Variants in CEACAM4 observed in about 807,000 individuals in gnomAD.
The protein encoded by CEACAM4 is cell adhesion molecule CEACAM4.
Under a neutral mutation model 28.7 loss-of-function variants are expected in CEACAM4, and 30 were observed. The ratio of observed to expected loss-of-function variants is 1.05; its 90% CI spans 0.78 to 1.42. CEACAM4 has a LOEUF of 1.42. Among genes scored for constraint, CEACAM4 ranks in the 40% most tolerant of loss-of-function variants. The probability of loss-of-function intolerance (pLI) is 0.00; values close to 1 mark genes in which losing one functional copy is unlikely to be tolerated. For missense variants in CEACAM4, 330 were observed against 308.2 expected (o/e 1.07, Z -0.53); for synonymous variants, 143 against 126.5 (o/e 1.13, Z -0.87).
chr19:41,619,502 C>A, intron 6 of CEACAM4, 107 bp from the exon 7 acceptor site: 1 of 1,572,282 alleles, frequency 6.4e-7, no homozygotes, highest in Non-Finnish European at 8.7e-7. Context: ...CTGAACCTGG[C>A]TGTGCTCAGG....
At chr19:41,620,880 G>A (rs2071240569) in intron 3 of CEACAM4, among the ~76,000 whole-genome samples, 1 of 151,968 alleles carries the variant, frequency 6.6e-6, no homozygotes. Flanking sequence ...CAGGGACCCA[G>A]GAAAGGGACT....
chr19:41,619,750 G>T, intron 5 of CEACAM4, 39 bp from the exon 6 acceptor site: 1 of 1,502,270 alleles, frequency 6.7e-7, no homozygotes, highest in Non-Finnish European at 8.9e-7. Flanking sequence ...GGACAGGGAG[G>T]GAGGGTCACG....
chr19:41,626,090 GTGTGTGTGTGTGT>G (rs2071638901), intron 1 of CEACAM4, 130 bp from the exon 2 acceptor site: 2 of 556,272 alleles, frequency 3.6e-6, no homozygotes, highest in African/African-American at 3.9e-5. Flanking sequence ...GTGTGTGTGT[GTGTGTGTGTGTGT>G]GTGTGTGTGT....
chr19:41,626,604 T>A lies in CEACAM4; in HGVS notation c.64+296A>T, dbSNP rs552757469. ...TTATGTTTTTATTTGAAGTGTCATC[T>A]GGTATAGTTATTATCATTTTTCAAA... On this transcript the variant is annotated intron_variant, in intron 1 of 6. Coordinates refer to ENST00000221954, the MANE Select transcript of CEACAM4 (RefSeq NM_001817.4). Among the ~76,000 whole-genome samples the A allele has an allele frequency of 1.2e-4, 19 of 152,328 alleles. 1 individual carries two copies. The highest frequency in any genetic ancestry group is 7.2e-4 in the Admixed American group (11 of 15,310).
At chr19:41,626,109 T>C (rs1022511940) in intron 1 of CEACAM4, 149 bp from the exon 2 acceptor site, 1 of 559,978 alleles carries the variant, frequency 1.8e-6, no homozygotes, top group African/African-American at 2.0e-5. Context: ...TGTGTGTGTG[T>C]GTGTGTGTGT....
At position 41,626,904 on chromosome 19, in the gene CEACAM4, G is replaced by A; in HGVS notation, c.60C>T (p.Ile20=). The A allele has an allele frequency of 6.2e-7, 1 of 1,610,714 alleles. No individual in the cohort carries two copies. Among genetic ancestry groups the A allele is most frequent in the Non-Finnish European group, 8.5e-7 (1 of 1,178,178 alleles). ...CCCAGAGAGTCCTCCCCTCACCTGT[G>A]ATCAGGAGCCCCTGCCAGGGCCTGT... ...GGHRPWQGLL[I]TASLLTFWHP... is the part of the protein sequence containing the mutation. Residue 20 remains isoleucine, a synonymous_variant, in exon 1 of 7, where the codon ATC becomes ATT. Coordinates refer to ENST00000221954, the MANE Select transcript of CEACAM4 (RefSeq NM_001817.4).
intron 2 of CEACAM4, among the ~76,000 whole-genome samples, chr19:41,624,982 G>A (rs1244883343): frequency 6.6e-6 from 1 of 152,182 alleles, no homozygotes; most frequent in Non-Finnish European, 1.5e-5. Flanking sequence ...CTGCCCAAGG[G>A]CATCTCTTAA....
At chr19:41,623,419 A>ATTTTTTTTTTTTTTTTTTT (rs57004828) in intron 2 of CEACAM4, among the ~76,000 whole-genome samples, 5 of 105,062 alleles carry the variant, frequency 4.8e-5, no homozygotes, top group Admixed American at 1.0e-4. Context: ...TTCGAACTGC[A>ATTTTTTTTTTTTTTTTTTT]TTTTTTTTTT....
At chr19:41,623,586 T>C (rs550140640) in intron 2 of CEACAM4, among the ~76,000 whole-genome samples, 2 of 152,008 alleles carry the variant, frequency 1.3e-5, no homozygotes, top group South Asian at 4.2e-4. Flanking sequence ...GTCTGTGCCC[T>C]GGGCTGTGAA....
In CEACAM4 at chr19:41,627,072, T is replaced by C; in HGVS notation, c.-109A>G. 1.1e-6 allele frequency: 1 copy of C among 929,914 alleles called. No homozygotes were observed. The allele number at this position is 929,914 out of a possible 1,614,324, so 57.6% of individuals were successfully genotyped here. A position where few individuals can be genotyped will look rare whatever the true frequency, so the allele number is the denominator to read the frequency against. On this transcript the variant is annotated 5_prime_UTR_variant, in exon 1 of 7. Coordinates refer to ENST00000221954, the MANE Select transcript of CEACAM4 (RefSeq NM_001817.4). ...TCGGGGCTGCTGACCTTCCTCCTTC[T>C]GTGCTGAGCCTCCTCCCGGGCAGAA...
chr19:41,621,539 G>C lies in CEACAM4; in HGVS notation c.542+112C>G, dbSNP rs533008570. 1.5e-5 allele frequency: 9 copies of C among 616,122 alleles called. No individual in the cohort carries two copies. The East Asian group carries it at 2.5e-4, about 17-fold the overall frequency. The allele number at this position is 616,122 out of a possible 1,614,324, so 38.2% of individuals were successfully genotyped here. A position where few individuals can be genotyped will look rare whatever the true frequency, so the allele number is the denominator to read the frequency against. ...GAGGAGCCATGGAATGAGAGAGAAG[G>C]ATTCCTTGGGAGGATGCGGAAAGCC... is the stretch of plus-strand genomic sequence containing the variant. On this transcript the variant is annotated intron_variant, in intron 3 of 6. Coordinates refer to ENST00000221954, the MANE Select transcript of CEACAM4 (RefSeq NM_001817.4).
chr19:41,621,145 A>G (rs559374498), intron 3 of CEACAM4, among the ~76,000 whole-genome samples: 2 of 152,080 alleles, frequency 1.3e-5, no homozygotes, highest in Non-Finnish European at 2.9e-5. Flanking sequence ...AGAGACATAA[A>G]GGACAGCAGG....
intron 2 of CEACAM4, among the ~76,000 whole-genome samples, chr19:41,625,220 G>A (rs782544982): frequency 2.0e-4 from 30 of 152,156 alleles, no homozygotes; most frequent in Non-Finnish European, 3.7e-4. Flanking sequence ...CAGGCTTCCC[G>A]GGGTCACACG....
At chr19:41,619,734 G>A (rs782269620) in intron 5 of CEACAM4, 23 bp from the exon 6 acceptor site, 21 of 1,547,066 alleles carry the variant, frequency 1.4e-5, no homozygotes, top group Non-Finnish European at 1.7e-5. Context: ...GAGAGGAGAT[G>A]TCAGGGGACA....
chr19:41,619,205 C>G lies in CEACAM4; in HGVS notation c.*125G>C. The stretch of plus-strand genomic sequence containing the variant: ...AGGGACTCCCATCCCTCCCTGTCCC[C>G]AGGCCTGTGTCTCCTCAGGACTCAG... On this transcript the variant is annotated 3_prime_UTR_variant, in exon 7 of 7. Coordinates refer to ENST00000221954, the MANE Select transcript of CEACAM4 (RefSeq NM_001817.4). The G allele has an allele frequency of 1.3e-6, 1 of 797,640 alleles. No individual in the cohort carries two copies. Among genetic ancestry groups the G allele is most frequent in the Non-Finnish European group, 2.2e-6 (1 of 462,172 alleles). The allele number at this position is 797,640 out of a possible 1,614,324, so 49.4% of individuals were successfully genotyped here.
At chr19:41,621,802 C>A in intron 2 of CEACAM4, 34 bp from the exon 3 acceptor site, 1 of 1,289,720 alleles carries the variant, frequency 7.8e-7, no homozygotes, top group Non-Finnish European at 1.1e-6. Flanking sequence ...GGACAAGGCC[C>A]AAGTTTGTTC....
rs147663846 is a variant in CEACAM4, at chr19:41,625,658, G to A, written c.367C>T (p.Arg123Ter). Residue 123 changes from arginine (R) to a stop codon, truncating the protein, a stop_gained, in exon 2 of 7, where the codon CGA becomes TGA. Transcript: ENST00000221954. LOFTEE classifies it high-confidence loss of function. ...TLEDAGSYTL[R>*]TINASYDSDQ... ...GAGTCGTAACTGGCATTTATGGTTC[G>A]TAGGGTGTAGGATCCTGCGTCCTCC... 1.5e-4 allele frequency: 238 copies of A among 1,608,250 alleles called. No homozygotes were observed. In the African/African-American group the frequency reaches 1.6e-3, roughly 11 times the overall value.
At position 41,620,083 on chromosome 19, in the gene CEACAM4, C is replaced by T. The variant is rs565424909; in HGVS notation, c.627+128G>A. 8.9e-4 allele frequency: 777 copies of T among 871,228 alleles called. 8 individuals carry two copies. Among genetic ancestry groups the T allele is most frequent in the Non-Finnish European group, 2.8e-4 (166 of 592,990 alleles). 54.0% of individuals were successfully genotyped at this position (871,228 alleles called of 1,614,324 possible). Reference sequence around the variant, plus strand: ...GAGGCCCGGATCCTGGCCGGAGGCACTCACTTTGACCTGACTGTTCTGGGG... The same window carrying T: ...GAGGCCCGGATCCTGGCCGGAGGCATTCACTTTGACCTGACTGTTCTGGGG... On this transcript the variant is annotated intron_variant, in intron 5 of 6. Transcript: ENST00000221954.
At chr19:41,625,987 A>G (rs1555803972) in intron 1 of CEACAM4, 27 bp from the exon 2 acceptor site, 4 of 1,582,626 alleles carry the variant, frequency 2.5e-6, no homozygotes, top group Non-Finnish European at 2.6e-6. Flanking sequence ...GCATCAGTCA[A>G]TACTGGGACC....
Sources: gnomAD v4.1 joint callset for allele counts (sites outside exome capture counted in the v4.1 genomes callset) on GRCh38, gnomAD v4.1.1 for gene constraint, MANE v1.5 for transcripts, NCBI Gene and HGNC (gene_info 2026-07-23, HGNC 2026-07-21) for gene names.